The following PDE3A variants were observed in gnomAD, a reference collection of about 807,000 sequenced individuals.
PDE3A encodes the protein cGMP-inhibited 3',5'-cyclic phosphodiesterase 3A.
Under a neutral mutation model 98.3 loss-of-function variants are expected in PDE3A, and 43 were observed. That is an observed-to-expected ratio of 0.44 (90% CI 0.34 to 0.56). PDE3A has a LOEUF of 0.56. PDE3A is among the 20% of genes least tolerant of loss of function. The pLI is 0.01. For synonymous variants in PDE3A, 663 were observed against 567.9 expected, an observed-to-expected ratio of 1.17 and a Z score of -2.38; for missense variants, 1,427 against 1,440.7, an observed-to-expected ratio of 0.99 and a Z score of 0.15.
At position 20,610,915 on chromosome 12, in the gene PDE3A, A is replaced by T. The variant is rs915153310; in HGVS notation, c.1012-2528A>T. On this transcript the variant is annotated intron_variant, in intron 2 of 15. Coordinates refer to ENST00000359062, the MANE Select transcript of PDE3A (RefSeq NM_000921.5). ...AGGGGAAGGGTCAGGAAATGGGGAG[A>T]TGTAGGACAAAAGATACAAAGTAGC... Among the ~76,000 whole-genome samples, 21 of 152,058 alleles carry T rather than the reference A, an allele frequency of 1.4e-4. No homozygotes were observed. The East Asian group carries it at 4.1e-3, about 29-fold the overall frequency.
chr12:20,673,163 C>G (rs1017851125), intron 15 of PDE3A, among the ~76,000 whole-genome samples: 2 of 152,166 alleles, frequency 1.3e-5, no homozygotes, highest in Non-Finnish European at 2.9e-5. Flanking sequence ...CCATCTCACA[C>G]CATTTAGAAT....
intron 1 of PDE3A, among the ~76,000 whole-genome samples, chr12:20,543,656 T>A (rs1941980563): frequency 6.6e-6 from 1 of 152,044 alleles, no homozygotes; most frequent in Non-Finnish European, 1.5e-5. Context: ...CTATAAATTG[T>A]GTTTTGGCGT....
At chr12:20,590,457 C>T (rs780373093) in intron 2 of PDE3A, among the ~76,000 whole-genome samples, 32 of 149,902 alleles carry the variant, frequency 2.1e-4, no homozygotes, top group Non-Finnish European at 3.3e-4. Context: ...CAAGAATAGT[C>T]TGGAGGAGAA....
At chr12:20,388,982 A>G (rs886096090) in intron 1 of PDE3A, among the ~76,000 whole-genome samples, 11 of 152,056 alleles carry the variant, frequency 7.2e-5, no homozygotes, top group Non-Finnish European at 1.6e-4. Flanking sequence ...GAATATTAAA[A>G]CAGTTTCTAT....
chr12:20,523,573 C>T (rs892732893), intron 1 of PDE3A, among the ~76,000 whole-genome samples: 1 of 152,014 alleles, frequency 6.6e-6, no homozygotes, highest in Admixed American at 6.6e-5. Flanking sequence ...TATTTATTAC[C>T]ACTTACACAG....
At chr12:20,427,926 C>T (rs1248656621) in intron 1 of PDE3A, among the ~76,000 whole-genome samples, 1 of 151,710 alleles carries the variant, frequency 6.6e-6, no homozygotes, top group East Asian at 1.9e-4. Flanking sequence ...ATATTTTAGG[C>T]CGGGCATGGT....
At position 20,635,051 on chromosome 12, in the gene PDE3A, T is replaced by A. The variant is rs749190237; in HGVS notation, c.1996T>A (p.Phe666Ile). ...CSTYAPETMM[F>I]LDKPILAPEP... The stretch of plus-strand genomic sequence containing the variant: ...CACCTATGCTCCTGAGACCATGATG[T>A]TTCTGGTAGTCCCATATCACTTAAC... Residue 666 changes from phenylalanine (F) to isoleucine (I), a missense_variant, in exon 8 of 16, where the codon TTT (phenylalanine) becomes ATT (isoleucine). Phe to Ile is a conservative substitution (Grantham distance 21). Coordinates refer to ENST00000359062, the MANE Select transcript of PDE3A (RefSeq NM_000921.5). 6.2e-7 allele frequency: 1 copy of A among 1,610,944 alleles called. No homozygotes were observed. The highest frequency in any genetic ancestry group is 8.5e-7 in the Non-Finnish European group (1 of 1,178,616).
intron 1 of PDE3A, among the ~76,000 whole-genome samples, chr12:20,495,297 A>AT (rs2121061643): frequency 6.6e-6 from 1 of 152,120 alleles, no homozygotes; most frequent in South Asian, 2.1e-4. Flanking sequence ...GGCACTTAGC[A>AT]TAACAGCTAA....
At chr12:20,458,334 C>T (rs1945188316) in intron 1 of PDE3A, among the ~76,000 whole-genome samples, 1 of 150,236 alleles carries the variant, frequency 6.7e-6, no homozygotes, top group South Asian at 2.1e-4. Flanking sequence ...AAGAATAGTC[C>T]TTTTACTTAT....
At chr12:20,536,302 T>C (rs1380912620) in intron 1 of PDE3A, among the ~76,000 whole-genome samples, 1 of 151,746 alleles carries the variant, frequency 6.6e-6, no homozygotes, top group African/African-American at 2.4e-5. Context: ...ACAAGACTGA[T>C]GTTTATCAGG....
intron 1 of PDE3A, among the ~76,000 whole-genome samples, chr12:20,536,574 A>G (rs529869427): frequency 6.6e-6 from 1 of 152,200 alleles, no homozygotes; most frequent in South Asian, 2.1e-4. Flanking sequence ...TCAATGACTA[A>G]TCTATTTTCT....
intron 15 of PDE3A, among the ~76,000 whole-genome samples, chr12:20,656,815 A>C (rs1227598877): frequency 6.6e-6 from 1 of 152,212 alleles, no homozygotes; most frequent in Non-Finnish European, 1.5e-5. Context: ...ACAGACGCAC[A>C]GATCCAGGCA....
At position 20,369,466 on chromosome 12, in the gene PDE3A, T is replaced by G. The variant is rs753700292; in HGVS notation, c.182T>G (p.Leu61Arg). The change falls in exon 1 of 16, where the codon CTT (leucine) becomes CGT (arginine). Residue 61 changes from leucine to arginine, a missense_variant. Transcript: ENST00000359062. The stretch of plus-strand genomic sequence containing the variant: ...CAGCCGCTCCGGAGCTCTCGGAAAC[T>G]TTCCTCCGCGCTGTGCGCGGGCTCC... ...VLQPLRSSRK[L>R]SSALCAGSLS... is the part of the protein sequence containing the mutation. 6.4e-7 allele frequency: 1 copy of G among 1,556,166 alleles called. No individual in the cohort carries two copies. Among genetic ancestry groups the G allele is most frequent in the African/African-American group, 1.4e-5 (1 of 73,366 alleles).
In PDE3A at chr12:20,634,913, C is replaced by T. The variant is rs1944464240; in HGVS notation, c.1858C>T (p.Gln620Ter). 3 of 1,608,994 alleles carry T rather than the reference C, an allele frequency of 1.9e-6. No homozygotes were observed. ...TCTTTTAATTGTAGATGACACTGCT[C>T]AAGTTACCTCTGATTATGAAACCAA... Reference protein sequence around the residue: ...RTPSRTDDTAQVTSDYETNNN... With the variant: ...RTPSRTDDTA The change falls in exon 8 of 16, where the codon CAA becomes TAA. Residue 620 changes from glutamine (Q) to a stop codon, truncating the protein, a stop_gained. Transcript: ENST00000359062. LOFTEE classifies it high-confidence loss of function.
At chr12:20,508,978 G>A (rs1393002406) in intron 1 of PDE3A, among the ~76,000 whole-genome samples, 2 of 151,828 alleles carry the variant, frequency 1.3e-5, no homozygotes, top group Admixed American at 6.6e-5. Flanking sequence ...ATTATAATTT[G>A]TTGATGCATG....
intron 15 of PDE3A, among the ~76,000 whole-genome samples, chr12:20,677,914 T>C (rs1384548968): frequency 1.3e-5 from 2 of 150,936 alleles, no homozygotes; most frequent in Non-Finnish European, 2.9e-5. Context: ...TGGCTTAGAG[T>C]GTGGTTATTA....
intron 1 of PDE3A, among the ~76,000 whole-genome samples, chr12:20,449,219 A>T (rs1945018033): frequency 6.6e-6 from 1 of 152,226 alleles, no homozygotes. Flanking sequence ...AATATAGAGG[A>T]ATCTCCTTTT....
intron 4 of PDE3A, among the ~76,000 whole-genome samples, chr12:20,620,761 A>G (rs1944112619): frequency 6.6e-6 from 1 of 151,962 alleles, no homozygotes; most frequent in Admixed American, 6.6e-5. Flanking sequence ...CTTTTTACAA[A>G]TTCCCTTGTA....
Position 20,546,939 on chromosome 12 carries a change from C to A in PDE3A, c.961-9721C>A, listed in dbSNP as rs549683430. 2.6e-4 allele frequency among the ~76,000 whole-genome samples: 39 copies of A among 152,010 alleles called. No homozygotes were observed. The South Asian group carries it at 7.9e-3, about 31-fold the overall frequency. ...TGAAGCTAATAATTAACTTGTAGAC[C>A]AATTTTATACTAAAGGAAAATAGTA... On this transcript the variant is annotated intron_variant, in intron 1 of 15. Coordinates refer to ENST00000359062, the MANE Select transcript of PDE3A (RefSeq NM_000921.5).
Sources: gnomAD v4.1 joint callset for allele counts (sites outside exome capture counted in the v4.1 genomes callset) on GRCh38, gnomAD v4.1.1 for gene constraint, MANE v1.5 for transcripts, NCBI Gene and HGNC (gene_info 2026-07-23, HGNC 2026-07-21) for gene names.